Variants in OLFML2B observed in about 807,000 individuals in gnomAD.
OLFML2B encodes the protein olfactomedin-like protein 2B.
OLFML2B carries 57 observed loss-of-function variants against 74.9 expected under a neutral mutation model. The ratio of observed to expected loss-of-function variants is 0.76; its 90% CI spans 0.61 to 0.95. OLFML2B has a LOEUF of 0.95. OLFML2B is among the 40% of genes least tolerant of loss of function. OLFML2B has a pLI of 0.00. For synonymous variants in OLFML2B, 388 were observed against 405.8 expected (o/e 0.96, Z 0.53); for missense variants, 986 against 970.6 (o/e 1.02, Z -0.21).
At chr1:161,991,744 ATTTC>A (rs1208135083) in intron 6 of OLFML2B, among the ~76,000 whole-genome samples, 2 of 152,144 alleles carry the variant, frequency 1.3e-5, no homozygotes, top group East Asian at 3.9e-4. Context: ...TCAAATAATA[ATTTC>A]TTTTTCTGAG....
rs1690152781 is a variant in OLFML2B, at chr1:162,004,044, A to G, written c.723+2253T>C. 2.0e-5 allele frequency among the ~76,000 whole-genome samples: 3 copies of G among 152,334 alleles called. No individual in the cohort carries two copies. In the South Asian group the frequency reaches 6.2e-4, roughly 32 times the overall value. ...TTTATTTGGTTTGCTGTTTGCCCTC[A>G]GGAAATCTGAGCTGGGTTCCCGAAC... On this transcript the variant is annotated intron_variant, in intron 4 of 7. Transcript: ENST00000294794.
rs768821326 is a variant in OLFML2B at position 161,998,138 on chromosome 1, G to A, written c.1161C>T (p.Asn387=). Residue 387 remains asparagine (N), a synonymous_variant, in exon 6 of 8, where the codon AAC becomes AAT. Coordinates refer to ENST00000294794, the MANE Select transcript of OLFML2B (RefSeq NM_015441.3). Reference sequence around the variant, plus strand: ...GGAGTGTTGGTCCCACTGAGGCATGGTTGGCGATGCTGGGATCTGAGGTCG... The same window carrying A: ...GGAGTGTTGGTCCCACTGAGGCATGATTGGCGATGCTGGGATCTGAGGTCG... ...QPSTSDPSIA[N]HASVGPTLQT... The A allele has an allele frequency of 6.2e-7, 1 of 1,614,086 alleles. No individual in the cohort carries two copies. Among genetic ancestry groups the A allele is most frequent in the Non-Finnish European group, 8.5e-7 (1 of 1,180,036 alleles).
rs150346031 is a variant in OLFML2B, at chr1:162,019,840, C to T, written c.438+79G>A. On this transcript the variant is annotated intron_variant, in intron 2 of 7. Transcript: ENST00000294794. Reference sequence around the variant, plus strand: ...TGACCTTCTTCAAAGGGCTTAGAATCTTCAACCATGGCCTTACCAGACTTG... The same window carrying T: ...TGACCTTCTTCAAAGGGCTTAGAATTTTCAACCATGGCCTTACCAGACTTG... The T allele has an allele frequency of 8.0e-4, 1,222 of 1,535,872 alleles. 15 individuals carry two copies. The African/African-American group carries it at 0.015, about 18-fold the overall frequency.
intron 4 of OLFML2B, among the ~76,000 whole-genome samples, chr1:162,005,902 CAAAAA>C (rs71093139): frequency 1.5e-4 from 12 of 77,906 alleles, no homozygotes; most frequent in African/African-American, 3.1e-4. Flanking sequence ...TGGAACCTAT[CAAAAA>C]AAAAAAAAAA....
intron 3 of OLFML2B, among the ~76,000 whole-genome samples, chr1:162,009,013 A>G (rs1354935619): frequency 1.3e-5 from 2 of 152,202 alleles, no homozygotes; most frequent in East Asian, 3.8e-4. Flanking sequence ...CAGCAGGTGC[A>G]GGGATTCAAT....
chr1:162,006,096 T>G (rs950052775), intron 4 of OLFML2B, among the ~76,000 whole-genome samples: 1 of 152,158 alleles, frequency 6.6e-6, no homozygotes, highest in African/African-American at 2.4e-5. Flanking sequence ...CAACACTCAC[T>G]GATCCTCTCT....
intron 5 of OLFML2B, among the ~76,000 whole-genome samples, chr1:161,999,701 G>C (rs992300653): frequency 3.3e-5 from 5 of 152,350 alleles, no homozygotes; most frequent in South Asian, 4.1e-4. Context: ...GAAGGACAGA[G>C]ATCAAAGGGG....
In OLFML2B at chr1:162,023,481, G is replaced by A; in HGVS notation, c.-51C>T. 1 of 1,381,058 alleles carries A rather than the reference G, an allele frequency of 7.2e-7. No individual in the cohort carries two copies. The highest frequency in any genetic ancestry group is 9.5e-7 in the Non-Finnish European group (1 of 1,054,756). 85.6% of individuals were successfully genotyped at this position (1,381,058 alleles called of 1,614,324 possible). A position where few individuals can be genotyped will look rare whatever the true frequency, so the allele number is the denominator to read the frequency against. On this transcript the variant is annotated 5_prime_UTR_variant, in exon 1 of 8. Transcript: ENST00000294794. ...GCCCCTTCAGAGAATGGCTGGGGCG[G>A]GGGGTCTCGGCAAGGACTTCTGCGA...
chr1:161,984,260 G>A lies in OLFML2B; in HGVS notation c.1668C>T (p.Ser556=). The stretch of plus-strand genomic sequence containing the variant: ...CGATCCAGCTGTACGGGAGCTTGTA[G>A]GAATTGCTCCAGCGACCTGCAGGTG... The part of the protein sequence containing the change: ...ENFKQGRWSN[S]YKLPYSWIGT... The change falls in exon 8 of 8, where the codon TCC becomes TCT. Residue 556 remains serine (S), a synonymous_variant. Coordinates refer to ENST00000294794, the MANE Select transcript of OLFML2B (RefSeq NM_015441.3). 6.6e-7 allele frequency: 1 copy of A among 1,519,866 alleles called. No individual in the cohort carries two copies. The highest frequency in any genetic ancestry group is 8.8e-7 in the Non-Finnish European group (1 of 1,134,902). The allele number at this position is 1,519,866 out of a possible 1,614,324, so 94.1% of individuals were successfully genotyped here.
At chr1:162,008,454 G>A (rs1347462640) in intron 3 of OLFML2B, among the ~76,000 whole-genome samples, 2 of 152,144 alleles carry the variant, frequency 1.3e-5, no homozygotes, top group Non-Finnish European at 2.9e-5. Flanking sequence ...CAGCTCACCT[G>A]CTGGATCACT....
At chr1:162,007,827 G>A (rs892862134) in intron 3 of OLFML2B, among the ~76,000 whole-genome samples, 20 of 152,094 alleles carry the variant, frequency 1.3e-4, no homozygotes, top group African/African-American at 4.3e-4. Flanking sequence ...CCTGGCTCCC[G>A]AACCATCAGC....
intron 4 of OLFML2B, among the ~76,000 whole-genome samples, chr1:162,005,680 C>T (rs186929833): frequency 1.3e-3 from 202 of 152,158 alleles, no homozygotes; most frequent in Admixed American, 2.6e-3. Flanking sequence ...TTGCTTGTGG[C>T]CAGGAGTTCC....
intron 6 of OLFML2B, among the ~76,000 whole-genome samples, chr1:161,996,924 G>T (rs554827916): frequency 1.3e-5 from 2 of 152,170 alleles, no homozygotes; most frequent in Non-Finnish European, 2.9e-5. Flanking sequence ...TTGGGAGGCC[G>T]AGGTGGGGGG....
Position 161,997,900 on chromosome 1 carries a change from G to A in OLFML2B, c.1399C>T (p.Pro467Ser), listed in dbSNP as rs770917322. The change falls in exon 6 of 8, where the codon CCT becomes TCT. Residue 467 changes from proline (P) to serine (S), a missense_variant. By Grantham distance (74) the Pro-to-Ser change is moderately conservative (BLOSUM62 -1). Transcript: ENST00000294794. ...VRTDSLGKDA[P>S]AGWGTTPASP... ...GCAGGGGTTGTTCCCCACCCAGCAG[G>A]AGCATCTTTCCCCAGCGAGTCTGTT... The A allele has an allele frequency of 2.5e-6, 4 of 1,614,212 alleles. No individual in the cohort carries two copies. The highest frequency in any genetic ancestry group is 2.5e-6 in the Non-Finnish European group (3 of 1,180,026).
chr1:161,998,294 G>A lies in OLFML2B; in HGVS notation c.1005C>T (p.Leu335=), dbSNP rs144399009. The A allele has an allele frequency of 5.5e-4, 870 of 1,590,978 alleles. 4 individuals are homozygous for A. The Middle Eastern group carries it at 9.9e-3, about 18-fold the overall frequency. The stretch of plus-strand genomic sequence containing the variant: ...TGGTCATCAGGCCGTTGTGTCTCAG[G>A]AGCTGATCTTCAATCAGCAAATCCA... The part of the protein sequence containing the change: ...NGVDLLIEDQ[L]LRHNGLMTSV... Residue 335 remains leucine (L), a synonymous_variant, in exon 6 of 8, where the codon CTC becomes CTT. Coordinates refer to ENST00000294794, the MANE Select transcript of OLFML2B (RefSeq NM_015441.3).
chr1:161,994,901 T>C (rs987236130), intron 6 of OLFML2B, among the ~76,000 whole-genome samples: 6 of 152,238 alleles, frequency 3.9e-5, no homozygotes, highest in African/African-American at 1.2e-4. Flanking sequence ...AAATTAGTGC[T>C]GTTTACAACC....
chr1:162,000,431 A>G, intron 4 of OLFML2B, 93 bp from the exon 5 acceptor site: 3 of 951,718 alleles, frequency 3.2e-6, no homozygotes, highest in Non-Finnish European at 4.8e-6. Context: ...GGCTGTGCTA[A>G]TAACAGCAGC....
At chr1:162,000,588 T>A (rs1046374734) in intron 4 of OLFML2B, among the ~76,000 whole-genome samples, 1 of 152,230 alleles carries the variant, frequency 6.6e-6, no homozygotes, top group Non-Finnish European at 1.5e-5. Context: ...AGAGGTTACA[T>A]AAATTTCCCA....
intron 4 of OLFML2B, among the ~76,000 whole-genome samples, chr1:162,001,300 C>T (rs1690073340): frequency 6.6e-6 from 1 of 152,128 alleles, no homozygotes; most frequent in Non-Finnish European, 1.5e-5. Context: ...CCTGGTTTTA[C>T]GGGAGTGGGC....
Sources: allele counts gnomAD v4.1 joint callset (sites outside exome capture counted in the v4.1 genomes callset), GRCh38; gene constraint gnomAD v4.1.1; transcripts MANE v1.5; gene names NCBI Gene and HGNC (gene_info 2026-07-23, HGNC 2026-07-21).